The following CSMD1 variants were observed in gnomAD, a reference collection of about 807,000 sequenced individuals.
CSMD1 encodes the protein CUB and Sushi multiple domains 1, also known as CUB and sushi domain-containing protein 1.
CSMD1 carries 213 observed loss-of-function variants against 417.5 expected under a neutral mutation model. The ratio of observed to expected loss-of-function variants is 0.51; its 90% CI spans 0.46 to 0.57. The LOEUF is 0.57. CSMD1 is among the 20% of genes least tolerant of loss of function. The pLI is 0.00. For missense variants in CSMD1, 6,923 were observed against 4,529.7 expected (o/e 1.53, Z -15.17); for synonymous variants, 2,862 against 1,736.8 (o/e 1.65, Z -16.11).
At chr8:3,712,455 A>G (rs888950837) in intron 6 of CSMD1, among the ~76,000 whole-genome samples, 2 of 150,426 alleles carry the variant, frequency 1.3e-5, no homozygotes, top group African/African-American at 4.9e-5. Flanking sequence ...AGAGAGAGAG[A>G]AACTAGAGCT....
At chr8:4,245,550 T>G (rs1265839861) in intron 3 of CSMD1, among the ~76,000 whole-genome samples, 1 of 152,170 alleles carries the variant, frequency 6.6e-6, no homozygotes, top group South Asian at 2.1e-4. Flanking sequence ...ATGCTAAACA[T>G]GAGGTGTGTA....
chr8:4,536,158 G>A (rs566365139), intron 2 of CSMD1, among the ~76,000 whole-genome samples: 1 of 152,112 alleles, frequency 6.6e-6, no homozygotes, highest in Non-Finnish European at 1.5e-5. Context: ...CCGCAACTCA[G>A]TAAGTAAGGA....
intron 1 of CSMD1, among the ~76,000 whole-genome samples, chr8:4,901,791 G>A (rs1198870699): frequency 6.6e-6 from 1 of 152,102 alleles, no homozygotes; most frequent in Non-Finnish European, 1.5e-5. Context: ...TTGGAGGGAG[G>A]CACAATTGTG....
At chr8:4,186,862 G>A (rs1027405671) in intron 3 of CSMD1, among the ~76,000 whole-genome samples, 5 of 151,736 alleles carry the variant, frequency 3.3e-5, no homozygotes, top group Admixed American at 6.6e-5. Flanking sequence ...CGGGCGTGGT[G>A]TTGAGTGCCT....
intron 3 of CSMD1, among the ~76,000 whole-genome samples, chr8:4,278,581 A>C (rs17334932): frequency 1.3e-5 from 2 of 152,298 alleles, no homozygotes; most frequent in African/African-American, 2.4e-5. Context: ...ACATATGCCT[A>C]TTTTTAGAAA....
chr8:4,317,949 G>A (rs1209495220), intron 3 of CSMD1, among the ~76,000 whole-genome samples: 2 of 152,122 alleles, frequency 1.3e-5, no homozygotes, highest in East Asian at 1.9e-4. Flanking sequence ...TTGCCGTTCC[G>A]AATTTAAGGT....
intron 52 of CSMD1, among the ~76,000 whole-genome samples, chr8:3,015,072 T>C (rs1808721632): frequency 6.7e-6 from 1 of 148,894 alleles, no homozygotes; most frequent in South Asian, 2.2e-4. Flanking sequence ...AAATTAAAAT[T>C]AAAAAAGTTT....
chr8:4,280,364 T>C (rs961326631), intron 3 of CSMD1, among the ~76,000 whole-genome samples: 5 of 152,202 alleles, frequency 3.3e-5, no homozygotes, highest in African/African-American at 9.7e-5. Context: ...TAAATAATAA[T>C]TGAATAGACA....
chr8:3,183,850 T>C (rs1453956748), intron 36 of CSMD1, among the ~76,000 whole-genome samples: 1 of 152,222 alleles, frequency 6.6e-6, no homozygotes, highest in Non-Finnish European at 1.5e-5. Flanking sequence ...TAATTCATAT[T>C]ATTTTCACAA....
intron 50 of CSMD1, among the ~76,000 whole-genome samples, chr8:3,030,975 A>G (rs959307731): frequency 4.6e-5 from 7 of 152,056 alleles, no homozygotes; most frequent in African/African-American, 1.7e-4. Context: ...TGCTAATTTA[A>G]AAGTAATCCT....
intron 25 of CSMD1, among the ~76,000 whole-genome samples, chr8:3,287,254 C>G (rs1418237873): frequency 1.3e-5 from 2 of 151,140 alleles, no homozygotes; most frequent in South Asian, 2.1e-4. Flanking sequence ...CAGCTTTGTT[C>G]TTTTGGCTTA....
At chr8:4,107,459 G>A (rs1002492703) in intron 3 of CSMD1, among the ~76,000 whole-genome samples, 4 of 152,304 alleles carry the variant, frequency 2.6e-5, no homozygotes, top group East Asian at 1.9e-4. Flanking sequence ...TAAAGCACTG[G>A]ATAATGATTA....
chr8:3,594,831 A>C (rs968232611), intron 8 of CSMD1, among the ~76,000 whole-genome samples: 2 of 152,182 alleles, frequency 1.3e-5, no homozygotes, highest in Non-Finnish European at 2.9e-5. Context: ...ATTCACCTTG[A>C]AATCTCTCAC....
At chr8:3,956,791 A>C (rs936310766) in intron 5 of CSMD1, among the ~76,000 whole-genome samples, 23 of 152,248 alleles carry the variant, frequency 1.5e-4, no homozygotes, top group Non-Finnish European at 3.1e-4. Flanking sequence ...GAATCGATTT[A>C]GGAGCTTGAA....
chr8:3,996,836 G>A (rs530862187), intron 5 of CSMD1, among the ~76,000 whole-genome samples: 3 of 152,298 alleles, frequency 2.0e-5, no homozygotes, highest in Admixed American at 6.5e-5. Flanking sequence ...TCAGCATTGA[G>A]CCTTGTGATT....
chr8:4,884,450 G>A (rs1383642656), intron 1 of CSMD1, among the ~76,000 whole-genome samples: 1 of 151,934 alleles, frequency 6.6e-6, no homozygotes, highest in African/African-American at 2.4e-5. Flanking sequence ...AAACAAAATT[G>A]CTTTCTACAT....
intron 1 of CSMD1, among the ~76,000 whole-genome samples, chr8:4,817,146 CATAA>C (rs1242932651): frequency 2.0e-5 from 3 of 152,012 alleles, no homozygotes; most frequent in African/African-American, 4.8e-5. Flanking sequence ...ATAATATTTA[CATAA>C]ATACACACAC....
At chr8:3,600,618 T>A (rs1380979203) in intron 8 of CSMD1, among the ~76,000 whole-genome samples, 2 of 152,078 alleles carry the variant, frequency 1.3e-5, no homozygotes, top group Non-Finnish European at 2.9e-5. Flanking sequence ...TTATTGCTGG[T>A]GGCAGTGGAA....
At chr8:4,178,552 T>C (rs1285378905) in intron 3 of CSMD1, among the ~76,000 whole-genome samples, 2 of 151,062 alleles carry the variant, frequency 1.3e-5, no homozygotes, top group Non-Finnish European at 2.9e-5. Context: ...ACCACTCCTA[T>C]TCAACATAGT....
Sources: gnomAD v4.1 joint callset for allele counts (sites outside exome capture counted in the v4.1 genomes callset) on GRCh38, gnomAD v4.1.1 for gene constraint, MANE v1.5 for transcripts, NCBI Gene and HGNC (gene_info 2026-07-23, HGNC 2026-07-21) for gene names.